Variants in TTC7A observed in about 807,000 individuals in gnomAD.
TTC7A encodes tetratricopeptide repeat protein 7A.
In TTC7A, 110 loss-of-function variants were observed where a neutral mutation model predicts 103.7. The observed-to-expected ratio is 1.06, with a 90% confidence interval of 0.91 to 1.24. The LOEUF is 1.24. Among genes scored for constraint, TTC7A ranks in the 50% most tolerant of loss-of-function variants. TTC7A has a pLI of 0.00. For synonymous variants in TTC7A, 521 were observed against 467.9 expected, an observed-to-expected ratio of 1.11 and a Z score of -1.47; for missense variants, 1,340 against 1,116.3, an observed-to-expected ratio of 1.20 and a Z score of -2.86.
At chr2:46,987,692 A>G (rs531776530) in intron 5 of TTC7A, among the ~76,000 whole-genome samples, 4 of 152,336 alleles carry the variant, frequency 2.6e-5, no homozygotes, top group South Asian at 2.1e-4. Context: ...GTAAAGCAAC[A>G]TGTGCTCACT....
intron 3 of TTC7A, among the ~76,000 whole-genome samples, chr2:46,965,919 G>A (rs1308844585): frequency 6.6e-6 from 1 of 151,828 alleles, no homozygotes; most frequent in African/African-American, 2.4e-5. Flanking sequence ...AGAGGTTATT[G>A]TGAGCATCAC....
chr2:46,983,829 A>T (rs1268062572), intron 5 of TTC7A, among the ~76,000 whole-genome samples: 1 of 152,188 alleles, frequency 6.6e-6, no homozygotes, highest in Non-Finnish European at 1.5e-5. Flanking sequence ...TGACCCCTGC[A>T]CTACAGAGGT....
Position 46,941,402 on chromosome 2 carries a change from G to T in TTC7A, c.-140G>T. On this transcript the variant is annotated 5_prime_UTR_variant, in exon 1 of 20. Coordinates refer to ENST00000319190, the MANE Select transcript of TTC7A (RefSeq NM_020458.4). This position sits in a 1 kb window ranked among gnomAD's most constrained non-coding sequence, Gnocchi z 4.2. Reference sequence around the variant, plus strand: ...TGCTGCTGCCCACCCTCCGCCGCCCGGGCCCCCGCTGCCGCCCGGGCCCCG... The same window carrying T: ...TGCTGCTGCCCACCCTCCGCCGCCCTGGCCCCCGCTGCCGCCCGGGCCCCG... The T allele has an allele frequency of 4.1e-6, 3 of 732,128 alleles. No individual in the cohort carries two copies. Among genetic ancestry groups the T allele is most frequent in the Non-Finnish European group, 5.3e-6 (3 of 561,518 alleles). 45.4% of individuals were successfully genotyped at this position (732,128 alleles called of 1,614,324 possible).
chr2:46,931,224 A>G (rs1166966770), intron 2 of TTC7A, among the ~76,000 whole-genome samples: 12 of 152,228 alleles, frequency 7.9e-5, no homozygotes, highest in Admixed American at 5.2e-4. Flanking sequence ...GATTATAGGC[A>G]TATACCATCA....
intron 1 of TTC7A, among the ~76,000 whole-genome samples, chr2:46,948,129 C>T (rs191969617): frequency 1.2e-3 from 182 of 152,310 alleles, no homozygotes; most frequent in Middle Eastern, 6.8e-3. Context: ...GGCCCAAGGG[C>T]ACGGAGTCCT....
intron 3 of TTC7A, chr2:46,958,436 T>C (rs1672078834): frequency 5.6e-6 from 7 of 1,261,228 alleles, no homozygotes; most frequent in Admixed American, 2.3e-5. Context: ...TCCGGGACTT[T>C]CTCCTGAGCC....
At chr2:46,924,451 T>C (rs1669281673) in intron 2 of TTC7A, among the ~76,000 whole-genome samples, 1 of 152,084 alleles carries the variant, frequency 6.6e-6, no homozygotes, top group South Asian at 2.1e-4. Flanking sequence ...ATAATCATAT[T>C]TGTGAAGAAT....
rs539665036 is a variant in TTC7A at position 46,933,341 on chromosome 2, T to C, written c.82+16064T>C. Among the ~76,000 whole-genome samples, 14 of 152,298 alleles carry C rather than the reference T, an allele frequency of 9.2e-5. No individual in the cohort carries two copies. In the South Asian group the frequency reaches 2.3e-3, roughly 25 times the overall value. On this transcript the variant is annotated intron_variant, in intron 2 of 20. Transcript: ENST00000409245. The stretch of plus-strand genomic sequence containing the variant: ...ACACCCCAAAGCTCTCATCTCCAAG[T>C]GTGGGAAAATCTTCAACATTCTGAG...
chr2:46,926,816 C>G (rs1012150195), intron 2 of TTC7A, among the ~76,000 whole-genome samples: 1 of 152,192 alleles, frequency 6.6e-6, no homozygotes, highest in African/African-American at 2.4e-5. Flanking sequence ...GCTTGAGACA[C>G]TGGAATTCTC....
Position 46,941,831 on chromosome 2 carries a change from A to T in TTC7A, c.184+106A>T. 1 of 1,422,660 alleles carries T rather than the reference A, an allele frequency of 7.0e-7. No homozygotes were observed. Among genetic ancestry groups the T allele is most frequent in the Non-Finnish European group, 9.6e-7 (1 of 1,044,126 alleles). 88.1% of individuals were successfully genotyped at this position (1,422,660 alleles called of 1,614,324 possible). A position where few individuals can be genotyped will look rare whatever the true frequency, so the allele number is the denominator to read the frequency against. On this transcript the variant is annotated intron_variant, in intron 1 of 19. Coordinates refer to ENST00000319190, the MANE Select transcript of TTC7A (RefSeq NM_020458.4). The surrounding 1 kb of genome is among the most constrained non-coding windows in gnomAD (Gnocchi z 4.2). The stretch of plus-strand genomic sequence containing the variant: ...CCTCGGCCGACAGCGGGCGCCTGCC[A>T]GCCCACCGTGCTAGTCTTAAGAGCA...
At chr2:46,992,058 ACTTTCTTGG>A (rs1675687043) in intron 5 of TTC7A, among the ~76,000 whole-genome samples, 1 of 152,142 alleles carries the variant, frequency 6.6e-6, no homozygotes, top group Non-Finnish European at 1.5e-5. Flanking sequence ...GGCTTATGTA[ACTTTCTTGG>A]CTGCCAGCTT....
At chr2:46,971,426 G>A (rs1006535248) in intron 3 of TTC7A, among the ~76,000 whole-genome samples, 3 of 152,180 alleles carry the variant, frequency 2.0e-5, no homozygotes, top group Non-Finnish European at 4.4e-5. Context: ...GCAGTTGGGA[G>A]CAGGAGGTTA....
At chr2:47,004,146 G>A (rs952652726) in intron 8 of TTC7A, among the ~76,000 whole-genome samples, 1 of 152,134 alleles carries the variant, frequency 6.6e-6, no homozygotes, top group Middle Eastern at 3.2e-3. Context: ...CGGGCATCCC[G>A]GCACCCTCTC....
intron 14 of TTC7A, among the ~76,000 whole-genome samples, chr2:47,024,727 G>C (rs997303879): frequency 2.0e-5 from 3 of 152,098 alleles, no homozygotes; most frequent in African/African-American, 7.2e-5. Context: ...TCATGGAGCT[G>C]TTGCATGTTG....
At chr2:47,053,045 T>C (rs1683003106) in intron 18 of TTC7A, among the ~76,000 whole-genome samples, 1 of 152,068 alleles carries the variant, frequency 6.6e-6, no homozygotes, top group Non-Finnish European at 1.5e-5. Flanking sequence ...ACGCCCCCAC[T>C]CTCCCCACTG....
chr2:47,029,850 C>A (rs1027528741), intron 15 of TTC7A, among the ~76,000 whole-genome samples: 6 of 152,218 alleles, frequency 3.9e-5, no homozygotes, highest in African/African-American at 1.4e-4. Flanking sequence ...CATACCTCCC[C>A]ACCTCCCTCA....
intron 5 of TTC7A, among the ~76,000 whole-genome samples, chr2:46,991,849 C>G (rs1268493395): frequency 6.6e-6 from 1 of 152,106 alleles, no homozygotes; most frequent in African/African-American, 2.4e-5. Context: ...ACTTGGCAGG[C>G]TAGCGAAGGT....
intron 19 of TTC7A, chr2:47,065,691 G>T (rs2692220): frequency 0.71 from 107,455 of 152,126 alleles, 39,810 homozygotes; most frequent in East Asian, 0.88. Context: ...TGACATATTT[G>T]GGGGTGGCAT....
rs142266017 is a variant in TTC7A, at chr2:46,963,598, C to G, written c.517+6591C>G. ...CTCTGGGGATCAGTTTCTGCATAAC[C>G]AGACTTATGGTTATAATAACCAATG... On this transcript the variant is annotated intron_variant, in intron 3 of 19. Transcript: ENST00000319190. Among the ~76,000 whole-genome samples, 612 of 152,328 alleles carry G rather than the reference C, an allele frequency of 4.0e-3. 10 individuals carry two copies. The highest frequency in any genetic ancestry group is 0.014 in the African/African-American group (589 of 41,576).
Sources: gnomAD v4.1 joint callset for allele counts (sites outside exome capture counted in the v4.1 genomes callset) on GRCh38, gnomAD v4.1.1 for gene constraint, Gnocchi (gnomAD v3.1) non-coding constraint, MANE v1.5 for transcripts, NCBI Gene and HGNC (gene_info 2026-07-23, HGNC 2026-07-21) for gene names.